AP1M2: variants seen among roughly 807,000 people sequenced by gnomAD.
AP1M2 encodes adaptor related protein complex 1 subunit mu 2.
AP1M2 carries 41 observed loss-of-function variants against 54.6 expected under a neutral mutation model. The observed-to-expected ratio is 0.75, with a 90% CI of 0.59 to 0.97. AP1M2 has a LOEUF of 0.97. AP1M2 is among the 50% of genes least tolerant of loss of function. AP1M2 has a pLI of 0.00. For synonymous variants in AP1M2, 219 were observed against 215.9 expected (o/e 1.01, Z -0.13); for missense variants, 507 against 561.2 (o/e 0.90, Z 0.98).
chr19:10,579,730 G>C lies in AP1M2; in HGVS notation c.802C>G (p.Arg268Gly). 1 of 1,613,292 alleles carries C rather than the reference G, an allele frequency of 6.2e-7. No individual in the cohort carries two copies. The highest frequency in any genetic ancestry group is 8.5e-7 in the Non-Finnish European group (1 of 1,179,630). Residue 268 changes from arginine to glycine, a missense_variant, in exon 7 of 12, where the codon CGC becomes GGC. Coordinates refer to ENST00000250244, the MANE Select transcript of AP1M2 (RefSeq NM_005498.5). Reference sequence around the variant, plus strand: ...CCCTGCCTCACCTGGGTGCTGAGGCGGTATGACATGAGCTCAAAGTCACCA... The same window carrying C: ...CCCTGCCTCACCTGGGTGCTGAGGCCGTATGACATGAGCTCAAAGTCACCA... ...PDGDFELMSY[R>G]LSTQVKPLIW...
In AP1M2 at chr19:10,581,819, G is replaced by T; in HGVS notation, c.327C>A (p.Ile109=). 6.2e-7 allele frequency: 1 copy of T among 1,613,964 alleles called. No individual in the cohort carries two copies. The highest frequency in any genetic ancestry group is 8.5e-7 in the Non-Finnish European group (1 of 1,179,990). The stretch of plus-strand genomic sequence containing the variant: ...TGAGCTCGTCCAGCAACTCGTAGAC[G>T]ATGACAAAGTTGTCCCGGATGCTCT... ...EEESIRDNFV[I]VYELLDELMD... is the part of the protein sequence containing the mutation. The change falls in exon 4 of 12, where the codon ATC becomes ATA. Residue 109 remains isoleucine (I), a synonymous_variant. Transcript: ENST00000250244.
rs547770953 is a variant in AP1M2, at chr19:10,581,767, C to T, written c.379G>A (p.Asp127Asn). The T allele has an allele frequency of 1.1e-5, 17 of 1,613,566 alleles. No homozygotes were observed. In the Middle Eastern group the frequency reaches 4.9e-4, roughly 47 times the overall value. ...LMDFGFPQTT[D>N]SKILQEYITQ... ...ACTCACTCCTGCAGGATCTTGCTGT[C>T]GGTGGTCTGCGGGAAGCCAAAGTCC... Residue 127 changes from aspartate to asparagine, a missense_variant, in exon 4 of 12, where the codon GAC becomes AAC. Transcript: ENST00000250244.
At chr19:10,586,907 G>C (rs1954358342) in intron 1 of AP1M2, among the ~76,000 whole-genome samples, 1 of 152,100 alleles carries the variant, frequency 6.6e-6, no homozygotes, top group African/African-American at 2.4e-5. Context: ...TTCCAGAAAG[G>C]CCACTATGCT....
chr19:10,573,471 C>T (rs958585886), intron 11 of AP1M2, among the ~76,000 whole-genome samples: 4 of 151,840 alleles, frequency 2.6e-5, no homozygotes, highest in African/African-American at 9.7e-5. Context: ...CCTCCCACAG[C>T]CCCTCAATTC....
At chr19:10,581,027 G>A (rs1279494229) in intron 6 of AP1M2, among the ~76,000 whole-genome samples, 6 of 152,156 alleles carry the variant, frequency 3.9e-5, no homozygotes, top group East Asian at 1.9e-4. Context: ...AAGAACGCGG[G>A]TTTGTCTTTT....
chr19:10,576,941 G>A (rs960512971), intron 9 of AP1M2, among the ~76,000 whole-genome samples: 5 of 152,102 alleles, frequency 3.3e-5, no homozygotes, highest in Non-Finnish European at 5.9e-5. Flanking sequence ...TTTCAGGCGT[G>A]AGCCACTGCG....
chr19:10,574,986 C>A lies in AP1M2; in HGVS notation c.1091G>T (p.Ser364Ile), dbSNP rs1395575240. The change falls in exon 10 of 12, where the codon AGT becomes ATT. Residue 364 changes from serine (S) to isoleucine (I), a missense_variant. Ser to Ile is a moderately radical substitution (Grantham distance 142). Coordinates refer to ENST00000250244, the MANE Select transcript of AP1M2 (RefSeq NM_005498.5). ...YLMRAHFGLP[S>I]VEKEEVEGRP... is the part of the protein sequence containing the mutation. The stretch of plus-strand genomic sequence containing the variant: ...GCCCTCCACCTCTTCCTTTTCCACA[C>A]TGGGGAGGCCAAAGTGGGCTCGCAT... 4.5e-6 allele frequency: 7 copies of A among 1,561,878 alleles called. No homozygotes were observed. The highest frequency in any genetic ancestry group is 3.7e-5 in the Admixed American group (2 of 53,432).
Position 10,587,280 on chromosome 19 carries a change from A to T in AP1M2, c.-49T>A. 1.3e-6 allele frequency: 2 copies of T among 1,552,084 alleles called. No individual in the cohort carries two copies. The highest frequency in any genetic ancestry group is 1.7e-6 in the Non-Finnish European group (2 of 1,146,944). On this transcript the variant is annotated 5_prime_UTR_variant, in exon 1 of 12. Coordinates refer to ENST00000250244, the MANE Select transcript of AP1M2 (RefSeq NM_005498.5). Reference sequence around the variant, plus strand: ...GTCGGGGAGGGAGCGCCGGGAGGCGATGGCGGCGCCGCTTCCTTCTTCCTG... The same window carrying T: ...GTCGGGGAGGGAGCGCCGGGAGGCGTTGGCGGCGCCGCTTCCTTCTTCCTG...
chr19:10,574,840 G>A, intron 10 of AP1M2, 64 bp downstream of exon 10: 16 of 1,520,068 alleles, frequency 1.1e-5, no homozygotes, highest in Non-Finnish European at 1.3e-5. Context: ...CTCGAGCCAA[G>A]GGACAGGAGA....
At chr19:10,573,550 G>C (rs1406380853) in intron 11 of AP1M2, among the ~76,000 whole-genome samples, 1 of 151,716 alleles carries the variant, frequency 6.6e-6, no homozygotes, top group African/African-American at 2.4e-5. Flanking sequence ...TGTAACCATA[G>C]AAACAAGGCA....
At position 10,581,320 on chromosome 19, in the gene AP1M2, T is replaced by C. The variant is rs1917444184; in HGVS notation, c.619A>G (p.Met207Val). The change falls in exon 6 of 12, where the codon ATG becomes GTG. Residue 207 changes from methionine (M) to valine (V), a missense_variant. By Grantham distance (21) the Met-to-Val change is conservative (BLOSUM62 1). Transcript: ENST00000250244. ...TTGAGGCCCAGCCGCAGCTCTGGCA[T>C]TCCTGACAGAAACACCTTGAGCTTG... ...TIKLKVFLSG[M>V]PELRLGLNDR... 1 of 1,613,924 alleles carries C rather than the reference T, an allele frequency of 6.2e-7. No individual in the cohort carries two copies. Among genetic ancestry groups the C allele is most frequent in the Non-Finnish European group, 8.5e-7 (1 of 1,179,814 alleles).
rs776291414 is a variant in AP1M2, at chr19:10,585,325, AAG to A, written c.43-1257_43-1256del. 4.2e-3 allele frequency among the ~76,000 whole-genome samples: 600 copies of A among 141,710 alleles called. 5 individuals carry two copies. Among genetic ancestry groups the A allele is most frequent in the Non-Finnish European group, 7.5e-3 (456 of 60,828 alleles). The allele number at this position is 141,710 out of a possible 152,430, so 93.0% of individuals were successfully genotyped here. A position where few individuals can be genotyped will look rare whatever the true frequency, so the allele number is the denominator to read the frequency against. On this transcript the variant is annotated intron_variant, in intron 1 of 11. Coordinates refer to ENST00000250244, the MANE Select transcript of AP1M2 (RefSeq NM_005498.5). ...AAAGAAAGAAAGAAAGAAAGAAAGAAAGAAAGAAAGAAAGAAAGAAAGAAAGA... is the reference window on the plus strand; with the variant it reads ...AAAGAAAGAAAGAAAGAAAGAAAGAAAAAGAAAGAAAGAAAGAAAGAAAGA...
chr19:10,584,023 A>G lies in AP1M2; in HGVS notation c.90T>C (p.Ile30=), dbSNP rs1394198419. Residue 30 remains isoleucine, a synonymous_variant, in exon 2 of 12, where the codon ATT becomes ATC. Coordinates refer to ENST00000250244, the MANE Select transcript of AP1M2 (RefSeq NM_005498.5). The part of the protein sequence containing the change: ...NYKGDVAMSK[I]EHFMPLLVQR... ...GTACCAGCAAAGGCATGAAGTGCTC[A>G]ATCTTGCTCATGGCCACATCGCCCT... 6 of 1,610,718 alleles carry G rather than the reference A, an allele frequency of 3.7e-6. No individual in the cohort carries two copies. Among genetic ancestry groups the G allele is most frequent in the Non-Finnish European group, 5.1e-6 (6 of 1,178,686 alleles).
At position 10,583,628 on chromosome 19, in the gene AP1M2, GAGT is replaced by G; in HGVS notation, c.242_244del (p.Tyr81del). 1 of 1,613,254 alleles carries G rather than the reference GAGT, an allele frequency of 6.2e-7. No individual in the cohort carries two copies. The highest frequency in any genetic ancestry group is 1.3e-5 in the African/African-American group (1 of 75,030). On this transcript the variant is annotated inframe_deletion, in exon 3 of 12. Coordinates refer to ENST00000250244, the MANE Select transcript of AP1M2 (RefSeq NM_005498.5). Reference sequence around the variant, plus strand: ...TACCTCTATTGTCTTATACAGGAAGGAGTACACCAGGGAGGCATTGGCATTCTT... The same window carrying G: ...TACCTCTATTGTCTTATACAGGAAGGACACCAGGGAGGCATTGGCATTCTT...
At chr19:10,576,134 C>T (rs1333994815) in intron 9 of AP1M2, among the ~76,000 whole-genome samples, 1 of 150,732 alleles carries the variant, frequency 6.6e-6, no homozygotes, top group African/African-American at 2.4e-5. Flanking sequence ...CTCTGTCACC[C>T]AGGCTGGAGT....
chr19:10,577,951 G>A (rs1377262759), intron 8 of AP1M2, among the ~76,000 whole-genome samples: 1 of 151,938 alleles, frequency 6.6e-6, no homozygotes, highest in Non-Finnish European at 1.5e-5. Context: ...GGTCAGGCTG[G>A]TCTGGAACGC....
In AP1M2 at chr19:10,587,182, A is replaced by G. The variant is rs370781615; in HGVS notation, c.42+8T>C. 102 of 1,555,740 alleles carry G rather than the reference A, an allele frequency of 6.6e-5. No homozygotes were observed. The highest frequency in any genetic ancestry group is 8.7e-5 in the Non-Finnish European group (100 of 1,149,542). Reference sequence around the variant, plus strand: ...GTCCGTCTCCCAACTCCTCATGCCCAGCCTCACCTTGCCCTTAACGTCCAG... The same window carrying G: ...GTCCGTCTCCCAACTCCTCATGCCCGGCCTCACCTTGCCCTTAACGTCCAG... On this transcript the variant is annotated splice_region_variant and intron_variant, in intron 1 of 11. Coordinates refer to ENST00000250244, the MANE Select transcript of AP1M2 (RefSeq NM_005498.5).
intron 11 of AP1M2, among the ~76,000 whole-genome samples, chr19:10,574,003 G>A (rs781348515): frequency 1.3e-5 from 2 of 151,856 alleles, no homozygotes; most frequent in African/African-American, 4.8e-5. Flanking sequence ...GGCCCAGGGT[G>A]CCATGACAAG....
chr19:10,583,569 G>T (rs373937305), intron 3 of AP1M2, 37 bp downstream of exon 3: 34 of 1,509,584 alleles, frequency 2.3e-5, no homozygotes, highest in Non-Finnish European at 2.9e-5. Flanking sequence ...AGGGATAGAC[G>T]GATAGACCAG....
Sources: gnomAD v4.1 joint callset for allele counts (sites outside exome capture counted in the v4.1 genomes callset) on GRCh38, gnomAD v4.1.1 for gene constraint, MANE v1.5 for transcripts, NCBI Gene and HGNC (gene_info 2026-07-23, HGNC 2026-07-21) for gene names.